The following FKBP5 variants were observed in gnomAD, a reference collection of about 807,000 sequenced individuals.
FKBP5 encodes the protein peptidyl-prolyl cis-trans isomerase FKBP5.
A neutral mutation model predicts 50.5 loss-of-function variants in FKBP5; 23 were observed. The ratio of observed to expected loss-of-function variants is 0.46; its 90% CI spans 0.33 to 0.65. The LOEUF is 0.65. Ranked by LOEUF, FKBP5 falls within the 30% of genes least tolerant of loss-of-function variation. FKBP5 has a pLI of 0.02. For synonymous variants in FKBP5, 176 were observed against 190.6 expected (o/e 0.92, Z 0.63); for missense variants, 411 against 553.1 (o/e 0.74, Z 2.58).
At chr6:35,610,116 G>A (rs562795100) in intron 5 of FKBP5, among the ~76,000 whole-genome samples, 1 of 152,200 alleles carries the variant, frequency 6.6e-6, no homozygotes, top group Admixed American at 6.5e-5. Context: ...CTGATTGCGG[G>A]GATCTAAGGG....
Position 35,705,135 on chromosome 6 carries a change from C to T in FKBP5, c.-20+15193G>A, listed in dbSNP as rs184569594. Among the ~76,000 whole-genome samples, 812 of 147,246 alleles carry T rather than the reference C, an allele frequency of 5.5e-3. 5 individuals carry two copies. Among genetic ancestry groups the T allele is most frequent in the Non-Finnish European group, 9.2e-3 (613 of 66,908 alleles). ...CAGCCTGGGCAACAGAGCAAGACTC[C>T]GTCTCAAAAACAACAACAACAACAA... On this transcript the variant is annotated intron_variant, in intron 2 of 11. Transcript: ENST00000536438.
In FKBP5 at chr6:35,661,972, T is replaced by G. The variant is rs1765078614; in HGVS notation, c.-19-19129A>C. On this transcript the variant is annotated intron_variant, in intron 1 of 10. Coordinates refer to ENST00000357266, the MANE Select transcript of FKBP5 (RefSeq NM_004117.4). ...ACTAAAGTAATGCACATAAAGGGCT[T>G]TGTACAGTGCCTGTTACATGGTATA... 1.3e-5 allele frequency among the ~76,000 whole-genome samples: 2 copies of G among 152,168 alleles called. 1 individual carries two copies.
intron 10 of FKBP5, among the ~76,000 whole-genome samples, chr6:35,576,460 C>T (rs978613934): frequency 2.0e-5 from 3 of 152,070 alleles, no homozygotes; most frequent in African/African-American, 4.8e-5. Context: ...ACCCTTGAAG[C>T]CAGGGGTTCG....
chr6:35,615,155 T>TACACACACACACACAC lies in FKBP5; in HGVS notation c.508+3925_508+3940dup, dbSNP rs34301531. ...CAACAACAACAACAACAACAACAACTACACACACACACACACACACACACA... is the reference window on the plus strand; with the variant it reads ...CAACAACAACAACAACAACAACAACTACACACACACACACACACACACACACACACACACACACACA... On this transcript the variant is annotated intron_variant, in intron 5 of 10. Coordinates refer to ENST00000357266, the MANE Select transcript of FKBP5 (RefSeq NM_004117.4). Among the ~76,000 whole-genome samples, 18 of 143,542 alleles carry TACACACACACACACAC rather than the reference T, an allele frequency of 1.3e-4. No individual in the cohort carries two copies. In the East Asian group the frequency reaches 2.9e-3, roughly 23 times the overall value. The allele number at this position is 143,542 out of a possible 152,430, so 94.2% of individuals were successfully genotyped here. A position where few individuals can be genotyped will look rare whatever the true frequency, so the allele number is the denominator to read the frequency against.
chr6:35,677,106 C>T (rs892902938), intron 1 of FKBP5, among the ~76,000 whole-genome samples: 2 of 152,168 alleles, frequency 1.3e-5, no homozygotes, highest in Non-Finnish European at 2.9e-5. Flanking sequence ...CGTGGTCTCC[C>T]TCTGTCGCCC....
chr6:35,677,161 C>A (rs1247290292), intron 1 of FKBP5, among the ~76,000 whole-genome samples: 1 of 152,210 alleles, frequency 6.6e-6, no homozygotes, highest in Non-Finnish European at 1.5e-5. Context: ...GCAAGCTCCG[C>A]CTCCCGGGTT....
chr6:35,712,490 A>C (rs1184411784), intron 2 of FKBP5, among the ~76,000 whole-genome samples: 1 of 151,992 alleles, frequency 6.6e-6, no homozygotes, highest in Non-Finnish European at 1.5e-5. Context: ...TGAGACCCTT[A>C]TGGTTTGCTA....
At chr6:35,695,051 A>G (rs1423269688) in intron 2 of FKBP5, among the ~76,000 whole-genome samples, 2 of 152,236 alleles carry the variant, frequency 1.3e-5, no homozygotes, top group Admixed American at 1.3e-4. Context: ...GATAAAGGGC[A>G]TCTATGAGAA....
intron 5 of FKBP5, among the ~76,000 whole-genome samples, chr6:35,604,477 C>T (rs1482656078): frequency 6.6e-6 from 1 of 152,128 alleles, no homozygotes; most frequent in African/African-American, 2.4e-5. Flanking sequence ...AAAATGGTTT[C>T]AAGAATTTGC....
chr6:35,692,484 C>A (rs1426281847), upstream of FKBP5, among the ~76,000 whole-genome samples: 1 of 152,122 alleles, frequency 6.6e-6, no homozygotes, highest in East Asian at 1.9e-4. Context: ...TTAAAGGCAG[C>A]TTTGTACATT....
rs184212997 is a variant in FKBP5, at chr6:35,650,622, C to T, written c.-19-7779G>A. ...CTGAGTAGCTGGGATTACAGGTGTG[C>T]GCCACCAATGCCCGGCTAATTTTTG... On this transcript the variant is annotated intron_variant, in intron 1 of 10. Coordinates refer to ENST00000357266, the MANE Select transcript of FKBP5 (RefSeq NM_004117.4). Among the ~76,000 whole-genome samples the T allele has an allele frequency of 6.3e-4, 96 of 151,970 alleles. 1 individual carries two copies. Among genetic ancestry groups the T allele is most frequent in the Non-Finnish European group, 8.8e-4 (60 of 67,954 alleles).
chr6:35,713,314 A>T (rs1766448795), intron 2 of FKBP5, among the ~76,000 whole-genome samples: 1 of 152,060 alleles, frequency 6.6e-6, no homozygotes, highest in Non-Finnish European at 1.5e-5. Context: ...GTGGCCTAGA[A>T]GAGGGACAGC....
intron 8 of FKBP5, chr6:35,581,916 A>C: frequency 1.0e-6 from 1 of 985,402 alleles, no homozygotes; most frequent in Middle Eastern, 5.2e-4. Flanking sequence ...CCCCACAAAT[A>C]CTCCAACCCT....
intron 1 of FKBP5, among the ~76,000 whole-genome samples, chr6:35,671,864 T>A (rs1223519053): frequency 2.0e-5 from 3 of 151,960 alleles, no homozygotes; most frequent in Non-Finnish European, 4.4e-5. Context: ...AAAATCTAAT[T>A]TAGAAGAATT....
chr6:35,632,000 C>T (rs1404780646), intron 3 of FKBP5, among the ~76,000 whole-genome samples: 2 of 151,292 alleles, frequency 1.3e-5, no homozygotes, highest in African/African-American at 4.9e-5. Flanking sequence ...CTTTCATCCT[C>T]CAAATCTATT....
At chr6:35,624,993 G>C (rs187207232) in intron 3 of FKBP5, among the ~76,000 whole-genome samples, 1 of 152,336 alleles carries the variant, frequency 6.6e-6, no homozygotes, top group Admixed American at 6.5e-5. Context: ...ACAGAATGGA[G>C]AGCATCAATT....
chr6:35,579,905 C>T (rs1166492375), intron 9 of FKBP5, 131 bp downstream of exon 9: 7 of 647,248 alleles, frequency 1.1e-5, no homozygotes, highest in Non-Finnish European at 2.5e-6. Context: ...CAAATAATCC[C>T]AAACATTCAA....
At chr6:35,699,393 A>C (rs373185300) in intron 2 of FKBP5, among the ~76,000 whole-genome samples, 2 of 152,352 alleles carry the variant, frequency 1.3e-5, no homozygotes, top group African/African-American at 4.8e-5. Context: ...AGCCCAGTCC[A>C]GGTTCAAGGG....
intron 2 of FKBP5, among the ~76,000 whole-genome samples, chr6:35,701,855 T>TC (rs1204839583): frequency 2.0e-5 from 3 of 151,502 alleles, no homozygotes; most frequent in Non-Finnish European, 4.4e-5. Context: ...ATGCCGTATT[T>TC]TTTTTTTTCT....
Sources: allele counts gnomAD v4.1 joint callset (sites outside exome capture counted in the v4.1 genomes callset), GRCh38; gene constraint gnomAD v4.1.1; transcripts MANE v1.5; gene names NCBI Gene and HGNC (gene_info 2026-07-23, HGNC 2026-07-21).